Variants in ACR observed in about 807,000 individuals in gnomAD.
ACR encodes the protein acrosin.
ACR carries 17 observed loss-of-function variants against 26.0 expected under a neutral mutation model. That is an observed-to-expected ratio of 0.65 (90% CI 0.45 to 0.98). The LOEUF is 0.98. Among genes scored for constraint, ACR ranks in the 50% least tolerant of loss-of-function variants. The probability of loss-of-function intolerance (pLI) is 0.00; values close to 1 mark genes in which losing one functional copy is unlikely to be tolerated. For synonymous variants in ACR, 199 were observed against 207.7 expected, an observed-to-expected ratio of 0.96 and a Z score of 0.36; for missense variants, 435 against 519.3, an observed-to-expected ratio of 0.84 and a Z score of 1.58.
chr22:50,740,881 C>T, intron 3 of ACR: 1 of 596,702 alleles, frequency 1.7e-6, no homozygotes, highest in South Asian at 1.9e-5. Context: ...GTCAGAGACG[C>T]CCAGACACCT....
intron 3 of ACR, among the ~76,000 whole-genome samples, chr22:50,743,057 A>G (rs1252464287): frequency 1.3e-5 from 2 of 151,892 alleles, no homozygotes; most frequent in Non-Finnish European, 2.9e-5. Flanking sequence ...TTTGTTTGAG[A>G]CGGAGTCTCG....
At chr22:50,742,777 G>A (rs1057254958) in intron 3 of ACR, among the ~76,000 whole-genome samples, 2 of 152,182 alleles carry the variant, frequency 1.3e-5, no homozygotes, top group Non-Finnish European at 2.9e-5. Flanking sequence ...CACGTCACTC[G>A]TGTGTCCCCT....
In ACR at chr22:50,739,591, T is replaced by C. The variant is rs1220536028; in HGVS notation, c.282-103T>C. ...GCTCTGGGCCAAGTGGCTGCAAGACTCCGGGGGCTGGTCCAGACCTTTGCT... is the reference window on the plus strand; with the variant it reads ...GCTCTGGGCCAAGTGGCTGCAAGACCCCGGGGGCTGGTCCAGACCTTTGCT... On this transcript the variant is annotated intron_variant, in intron 2 of 4. Coordinates refer to ENST00000216139, the MANE Select transcript of ACR (RefSeq NM_001097.3). The surrounding 1 kb of genome is among the most constrained non-coding windows in gnomAD (Gnocchi z 5.5). The C allele has an allele frequency of 2.6e-6, 4 of 1,560,866 alleles. No homozygotes were observed. The highest frequency in any genetic ancestry group is 3.5e-6 in the Non-Finnish European group (4 of 1,147,506).
rs753355839 is a variant in ACR at position 50,739,377 on chromosome 22, A to G, written c.184A>G (p.Ile62Val). 2 of 1,613,838 alleles carry G rather than the reference A, an allele frequency of 1.2e-6. No individual in the cohort carries two copies. Among genetic ancestry groups the G allele is most frequent in the South Asian group, 1.1e-5 (1 of 91,030 alleles). Residue 62 changes from isoleucine (I) to valine (V), a missense_variant, in exon 2 of 5, where the codon ATC becomes GTC. By Grantham distance (29) the Ile-to-Val change is conservative (BLOSUM62 3). This residue lies in a region of ACR where 314 missense variants were observed against 372.0 expected (regional missense o/e 0.84). Transcript: ENST00000216139. The surrounding 1 kb of genome is among the most constrained non-coding windows in gnomAD (Gnocchi z 5.5). ...CTGGCCCTGGATGGTCAGCCTCCAG[A>G]TCTTCACGTACAACAGCCACAGGTA... ...GAWPWMVSLQ[I>V]FTYNSHRYHT...
At chr22:50,744,246 AG>A (rs1234230443) in intron 4 of ACR, 40 bp downstream of exon 4, 1 of 1,554,510 alleles carries the variant, frequency 6.4e-7, no homozygotes, top group Non-Finnish European at 8.9e-7. Context: ...GGGTCCCTCC[AG>A]GACTCTCCCG....
chr22:50,744,296 A>G, intron 4 of ACR, 90 bp downstream of exon 4: 2 of 1,031,992 alleles, frequency 1.9e-6, no homozygotes, highest in Non-Finnish European at 2.9e-6. Flanking sequence ...CCCAAGCTCC[A>G]CTATCTCCAC....
At chr22:50,740,469 G>A (rs1285904628) in intron 3 of ACR, 1 of 635,526 alleles carries the variant, frequency 1.6e-6, no homozygotes, top group African/African-American at 1.8e-5. Context: ...CTTCCAGGCT[G>A]TCTTTGTCAC....
chr22:50,740,902 A>G (rs2083422267), intron 3 of ACR: 2 of 571,948 alleles, frequency 3.5e-6, no homozygotes, highest in South Asian at 4.0e-5. Context: ...CTCCCTACAT[A>G]CTTAGGCACA....
At chr22:50,743,066 C>G (rs901413968) in intron 3 of ACR, among the ~76,000 whole-genome samples, 37 of 151,972 alleles carry the variant, frequency 2.4e-4, no homozygotes, top group Non-Finnish European at 3.8e-4. Flanking sequence ...GACGGAGTCT[C>G]GCTCTGTGGC....
At chr22:50,743,941 G>A in intron 3 of ACR, 120 bp from the exon 4 acceptor site, 6 of 807,948 alleles carry the variant, frequency 7.4e-6, no homozygotes, top group Non-Finnish European at 8.2e-6. Context: ...TCGGGGCATC[G>A]ACTGGATGGG....
chr22:50,744,358 G>A (rs2083439887), intron 4 of ACR, 152 bp downstream of exon 4: 1 of 699,634 alleles, frequency 1.4e-6, no homozygotes, highest in Non-Finnish European at 2.4e-6. Flanking sequence ...CCCTTTTCTA[G>A]CACCTACTCT....
chr22:50,740,851 T>C (rs558575609), intron 3 of ACR: 3 of 616,688 alleles, frequency 4.9e-6, no homozygotes, highest in East Asian at 2.8e-5. Context: ...CTAGAACAAA[T>C]TGTCATTACT....
intron 1 of ACR, 108 bp downstream of exon 1, chr22:50,738,420 A>ACC: frequency 9.5e-7 from 1 of 1,050,678 alleles, no homozygotes; most frequent in Non-Finnish European, 1.4e-6. Flanking sequence ...CCTAACCTGG[A>ACC]CCCCCCCTGC....
chr22:50,743,853 T>C (rs575559087), intron 3 of ACR, among the ~76,000 whole-genome samples: 12 of 152,124 alleles, frequency 7.9e-5, no homozygotes, highest in African/African-American at 2.7e-4. Context: ...TCCTCTCTCC[T>C]CTGGCCTTGA....
chr22:50,744,179 T>C lies in ACR; in HGVS notation c.684T>C (p.Tyr228=), dbSNP rs1197663641. ...RVQPTNVCAG[Y]PVGKIDTCQG... ...AGCCAACCAATGTGTGCGCGGGGTATCCTGTAGGCAAGATCGACACCTGCC... is the reference window on the plus strand; with the variant it reads ...AGCCAACCAATGTGTGCGCGGGGTACCCTGTAGGCAAGATCGACACCTGCC... The change falls in exon 4 of 5, where the codon TAT becomes TAC. Residue 228 remains tyrosine, a synonymous_variant. Coordinates refer to ENST00000216139, the MANE Select transcript of ACR (RefSeq NM_001097.3). 1 of 1,613,550 alleles carries C rather than the reference T, an allele frequency of 6.2e-7. No individual in the cohort carries two copies. Among genetic ancestry groups the C allele is most frequent in the East Asian group, 2.2e-5 (1 of 44,876 alleles).
At position 50,744,676 on chromosome 22, in the gene ACR, G is replaced by C. The variant is rs751977982; in HGVS notation, c.735G>C (p.Met245Ile). Residue 245 changes from methionine to isoleucine, a missense_variant, in exon 5 of 5, where the codon ATG (methionine) becomes ATC (isoleucine). Met to Ile is a conservative substitution (Grantham distance 10). This residue lies in a region of ACR where 314 missense variants were observed against 372.0 expected (regional missense o/e 0.84). Transcript: ENST00000216139. ...AGGGAGACAGCGGCGGGCCTCTCAT[G>C]TGCAAAGACAGCAAGGAAAGCGCCT... ...TCQGDSGGPL[M>I]CKDSKESAYV... is the part of the protein sequence containing the mutation. The C allele has an allele frequency of 6.2e-7, 1 of 1,612,528 alleles. No individual in the cohort carries two copies. The highest frequency in any genetic ancestry group is 8.5e-7 in the Non-Finnish European group (1 of 1,179,434).
intron 3 of ACR, 154 bp downstream of exon 3, chr22:50,740,131 C>A: frequency 1.0e-6 from 1 of 988,326 alleles, no homozygotes; most frequent in Non-Finnish European, 1.6e-6. Context: ...TCCACAGTCC[C>A]CTGTGCCAGG....
rs3915510 is a variant in ACR, at chr22:50,745,144, C to T, written c.1203C>T (p.Ser401=). The T allele has an allele frequency of 1.3e-5, 11 of 815,860 alleles. No homozygotes were observed. Among genetic ancestry groups the T allele is most frequent in the East Asian group, 1.1e-4 (4 of 35,390 alleles). 50.5% of individuals were successfully genotyped at this position (815,860 alleles called of 1,614,324 possible). ...LIEVLKGKTY[S]DGKNHYDMET... ...AGGTCTTGAAGGGGAAGACCTATTC[C>T]GACGGAAAGAACCATTATGACATGG... Residue 401 remains serine, a synonymous_variant, in exon 5 of 5, where the codon TCC becomes TCT. Coordinates refer to ENST00000216139, the MANE Select transcript of ACR (RefSeq NM_001097.3).
chr22:50,742,834 C>T (rs1419667496), intron 3 of ACR, among the ~76,000 whole-genome samples: 1 of 152,226 alleles, frequency 6.6e-6, no homozygotes, highest in Admixed American at 6.5e-5. Flanking sequence ...CTGCCCCTAC[C>T]TCAGTCTGCT....
Sources: allele counts gnomAD v4.1 joint callset (sites outside exome capture counted in the v4.1 genomes callset), GRCh38; gene constraint gnomAD v4.1.1; regional missense constraint gnomAD v4.1.1; non-coding constraint Gnocchi (gnomAD v3.1); transcripts MANE v1.5; gene names NCBI Gene and HGNC (gene_info 2026-07-23, HGNC 2026-07-21).